Variants in ENTREP2 observed in about 807,000 individuals in gnomAD.
ENTREP2 encodes the protein endosomal transmembrane epsin interactor 2, also known as protein ENTREP2.
At chr15:29,196,148 A>G in the ENTREP2 span, among the ~76,000 whole-genome samples, 5 of 152,220 alleles carry the variant, frequency 3.3e-5, no homozygotes, top group African/African-American at 7.2e-5. Context: ...TGATCCCATC[A>G]TCATTTGTAA....
the ENTREP2 span, among the ~76,000 whole-genome samples, chr15:29,258,984 A>G: frequency 6.6e-6 from 1 of 152,212 alleles, no homozygotes; most frequent in African/African-American, 2.4e-5. Flanking sequence ...TGCCAATGAA[A>G]CAACTTTTCT....
At chr15:29,548,866 A>AC in the ENTREP2 span, among the ~76,000 whole-genome samples, 2 of 152,134 alleles carry the variant, frequency 1.3e-5, no homozygotes, top group African/African-American at 4.8e-5. Context: ...GATTCAGGGA[A>AC]CCTACTGGCT....
chr15:29,280,470 C>T, the ENTREP2 span, among the ~76,000 whole-genome samples: 1 of 152,100 alleles, frequency 6.6e-6, no homozygotes, highest in Non-Finnish European at 1.5e-5. Flanking sequence ...GAAGGAGGTA[C>T]AAAGAAGGCC....
the ENTREP2 span, among the ~76,000 whole-genome samples, chr15:29,317,304 CTT>C: frequency 1.3e-5 from 2 of 152,188 alleles, no homozygotes; most frequent in East Asian, 3.8e-4. Flanking sequence ...GTACCTAAAA[CTT>C]TGCTGACATA....
At chr15:29,596,871 T>C in the ENTREP2 span, among the ~76,000 whole-genome samples, 1 of 152,130 alleles carries the variant, frequency 6.6e-6, no homozygotes. Context: ...GCTTTCGCCA[T>C]GCTAACTAGG....
chr15:29,482,019 T>C, the ENTREP2 span, among the ~76,000 whole-genome samples: 3 of 152,028 alleles, frequency 2.0e-5, no homozygotes, highest in Admixed American at 6.6e-5. Context: ...TTTTCTGAGA[T>C]GGAGTTTTGC....
the ENTREP2 span, among the ~76,000 whole-genome samples, chr15:29,275,905 C>CCAGAAAAGG: frequency 6.6e-4 from 100 of 152,274 alleles, no homozygotes; most frequent in Non-Finnish European, 7.6e-4. Context: ...AGAAAGTGGG[C>CCAGAAAAGG]CAATGTGCAG....
chr15:29,258,334 G>C, the ENTREP2 span, among the ~76,000 whole-genome samples: 20 of 151,970 alleles, frequency 1.3e-4, no homozygotes, highest in African/African-American at 4.4e-4. Flanking sequence ...GGCCTGCACA[G>C]CTTTGAAATT....
chr15:29,138,845 G>A, the ENTREP2 span, among the ~76,000 whole-genome samples: 21 of 152,082 alleles, frequency 1.4e-4, no homozygotes, highest in Admixed American at 2.6e-4. Flanking sequence ...CATGAAGAAC[G>A]CATCTGAACG....
chr15:29,486,629 G>A, the ENTREP2 span, among the ~76,000 whole-genome samples: 4 of 152,206 alleles, frequency 2.6e-5, no homozygotes, highest in Non-Finnish European at 5.9e-5. Flanking sequence ...GGCAGAGGTT[G>A]CAGTGAGCCA....
chr15:29,447,201 A>T, the ENTREP2 span, among the ~76,000 whole-genome samples: 2,204 of 152,334 alleles, frequency 0.014, 52 homozygotes, highest in African/African-American at 0.05. Context: ...TTGGGACTGT[A>T]ATCCAATAAA....
At chr15:29,252,319 A>C in the ENTREP2 span, 690,378 of 1,195,678 alleles carry the variant, frequency 0.58, 202,905 homozygotes, top group South Asian at 0.62. Flanking sequence ...CTCTTGTACA[A>C]AATCAAATCC....
the ENTREP2 span, among the ~76,000 whole-genome samples, chr15:29,177,553 C>T: frequency 5.3e-5 from 8 of 152,166 alleles, no homozygotes; most frequent in Admixed American, 2.0e-4. Context: ...GCCCACAACG[C>T]AGCAAGCACA....
chr15:29,209,909 G>A, the ENTREP2 span, among the ~76,000 whole-genome samples: 1 of 152,162 alleles, frequency 6.6e-6, no homozygotes, highest in Non-Finnish European at 1.5e-5. Context: ...ATTAGTGGAA[G>A]GATGTAAAAG....
the ENTREP2 span, among the ~76,000 whole-genome samples, chr15:29,205,922 G>A: frequency 3.6e-4 from 55 of 152,120 alleles, no homozygotes; most frequent in African/African-American, 1.3e-3. Flanking sequence ...GCCACCTTAA[G>A]TCTTGCTGCA....
chr15:29,478,810 C>A, the ENTREP2 span, among the ~76,000 whole-genome samples: 1 of 151,152 alleles, frequency 6.6e-6, no homozygotes, highest in Non-Finnish European at 1.5e-5. Flanking sequence ...GAGGCTGAGG[C>A]AGGAGAATCT....
the ENTREP2 span, among the ~76,000 whole-genome samples, chr15:29,412,617 G>A: frequency 1.3e-5 from 2 of 152,018 alleles, no homozygotes; most frequent in Non-Finnish European, 2.9e-5. Context: ...TATCAAATGT[G>A]TAGTCTCTCA....
At chr15:29,206,193 G>A in the ENTREP2 span, among the ~76,000 whole-genome samples, 12 of 152,200 alleles carry the variant, frequency 7.9e-5, no homozygotes, top group Admixed American at 5.2e-4. Context: ...TTGGTGTATG[G>A]TGACATCCTG....
the ENTREP2 span, among the ~76,000 whole-genome samples, chr15:29,452,952 A>G: frequency 6.6e-6 from 1 of 152,150 alleles, no homozygotes; most frequent in Admixed American, 6.5e-5. Flanking sequence ...AAATGAGTGG[A>G]AAAGCTGAGA....
Sources: allele counts gnomAD v4.1 joint callset (sites outside exome capture counted in the v4.1 genomes callset), GRCh38; gene constraint gnomAD v4.1.1; transcripts MANE v1.5; gene names NCBI Gene and HGNC (gene_info 2026-07-23, HGNC 2026-07-21).